Variants in PTPRT observed in about 807,000 individuals in gnomAD.
The protein encoded by PTPRT is protein tyrosine phosphatase receptor type T, also known as receptor-type tyrosine-protein phosphatase T.
PTPRT carries 56 observed loss-of-function variants against 176.8 expected under a neutral mutation model. That is an observed-to-expected ratio of 0.32 (90% CI 0.26 to 0.40). The LOEUF (loss-of-function observed/expected upper bound fraction) is 0.40. Ranked by LOEUF, PTPRT falls within the 10% of genes least tolerant of loss-of-function variation. The pLI, the probability that PTPRT is intolerant of heterozygous loss-of-function variation, is 1.00. For missense variants in PTPRT, 1,540 were observed against 1,908.2 expected, an observed-to-expected ratio of 0.81 and a Z score of 3.60; for synonymous variants, 783 against 739.0, an observed-to-expected ratio of 1.06 and a Z score of -0.96.
intron 1 of PTPRT, among the ~76,000 whole-genome samples, chr20:42,902,846 C>T (rs1036857064): frequency 6.6e-6 from 1 of 152,186 alleles, no homozygotes; most frequent in Non-Finnish European, 1.5e-5. Flanking sequence ...TCCCACTCCT[C>T]CTTATTACCC....
At chr20:42,606,996 G>T (rs1157414304) in intron 7 of PTPRT, 1 of 152,150 alleles carries the variant, frequency 6.6e-6, no homozygotes, top group Non-Finnish European at 1.5e-5. Context: ...CACATACATA[G>T]AATAAAATAT....
At chr20:43,133,355 T>TA (rs2013706396) in intron 1 of PTPRT, among the ~76,000 whole-genome samples, 1 of 152,210 alleles carries the variant, frequency 6.6e-6, no homozygotes, top group Non-Finnish European at 1.5e-5. Flanking sequence ...TCATGCAAGT[T>TA]ACAGCTAAGA....
intron 9 of PTPRT, among the ~76,000 whole-genome samples, chr20:42,392,766 A>G (rs955074890): frequency 2.6e-5 from 4 of 152,220 alleles, no homozygotes; most frequent in Non-Finnish European, 5.9e-5. Context: ...CACATGGAAA[A>G]GGACAGAAAA....
At chr20:42,954,918 G>T (rs959975545) in intron 1 of PTPRT, among the ~76,000 whole-genome samples, 2 of 151,738 alleles carry the variant, frequency 1.3e-5, no homozygotes, top group African/African-American at 4.9e-5. Context: ...AGAAGAAAAG[G>T]GTAGGGAGGA....
Position 42,876,770 on chromosome 20 carries a change from T to C in PTPRT, c.214+9037A>G, listed in dbSNP as rs528883105. Among the ~76,000 whole-genome samples the C allele has an allele frequency of 9.2e-5, 14 of 152,274 alleles. No individual in the cohort carries two copies. The South Asian group carries it at 2.5e-3, about 27-fold the overall frequency. On this transcript the variant is annotated intron_variant, in intron 2 of 30. Transcript: ENST00000373187. Reference sequence around the variant, plus strand: ...ACCGCCTTCCTTATTCCAGGCCCCATGCAGGATACAAGGAATTCAGCAACG... The same window carrying C: ...ACCGCCTTCCTTATTCCAGGCCCCACGCAGGATACAAGGAATTCAGCAACG...
At chr20:43,121,005 A>G (rs1285212256) in intron 1 of PTPRT, among the ~76,000 whole-genome samples, 2 of 152,214 alleles carry the variant, frequency 1.3e-5, no homozygotes, top group East Asian at 1.9e-4. Flanking sequence ...TGTTCTTTCC[A>G]GTCCACATCT....
intron 2 of PTPRT, among the ~76,000 whole-genome samples, chr20:42,804,445 T>C (rs1158803913): frequency 6.6e-6 from 1 of 152,190 alleles, no homozygotes; most frequent in Non-Finnish European, 1.5e-5. Flanking sequence ...ATACTGTCTC[T>C]GTCAGTTCCA....
chr20:42,739,073 C>A (rs139809835), intron 6 of PTPRT, among the ~76,000 whole-genome samples: 1 of 152,222 alleles, frequency 6.6e-6, no homozygotes, highest in Non-Finnish European at 1.5e-5. Context: ...ACAACAACAA[C>A]AACAAAAACA....
At chr20:42,610,183 T>TG (rs1464060196) in intron 7 of PTPRT, among the ~76,000 whole-genome samples, 1 of 151,970 alleles carries the variant, frequency 6.6e-6, no homozygotes, top group Admixed American at 6.5e-5. Context: ...TCTGTAGAAA[T>TG]GGGGGGAAAA....
At chr20:42,276,005 C>T (rs1163541740) in intron 13 of PTPRT, among the ~76,000 whole-genome samples, 1 of 152,152 alleles carries the variant, frequency 6.6e-6, no homozygotes, top group African/African-American at 2.4e-5. Flanking sequence ...CAATCAAGAG[C>T]TTTCCAATAG....
At chr20:42,559,266 G>A (rs1025327364) in intron 7 of PTPRT, among the ~76,000 whole-genome samples, 3 of 152,102 alleles carry the variant, frequency 2.0e-5, no homozygotes, top group African/African-American at 7.2e-5. Flanking sequence ...CTGAAAATCT[G>A]CAAACCACCC....
At chr20:42,223,386 C>T (rs1366304459) in intron 15 of PTPRT, among the ~76,000 whole-genome samples, 6 of 152,118 alleles carry the variant, frequency 3.9e-5, no homozygotes, top group Non-Finnish European at 7.4e-5. Context: ...AGTTAGTAAG[C>T]GGCAAAGTCC....
At chr20:43,165,547 A>G (rs2014836520) in intron 1 of PTPRT, among the ~76,000 whole-genome samples, 1 of 152,174 alleles carries the variant, frequency 6.6e-6, no homozygotes, top group Admixed American at 6.5e-5. Flanking sequence ...GAGGCCTCCC[A>G]GCCATGTGAG....
rs114812292 is a variant in PTPRT, at chr20:42,290,822, T to C, written c.2140-8297A>G. Among the ~76,000 whole-genome samples, 867 of 152,110 alleles carry C rather than the reference T, an allele frequency of 5.7e-3. 10 individuals are homozygous for C. The highest frequency in any genetic ancestry group is 0.02 in the African/African-American group (821 of 41,508). ...CTGAAATTTTAGGATGCCTCTTCAA[T>C]TGAGGAGTTCACAGTGGAACTGTTT... On this transcript the variant is annotated intron_variant, in intron 12 of 30. Coordinates refer to ENST00000373187, the MANE Select transcript of PTPRT (RefSeq NM_007050.6).
rs114555859 is a variant in PTPRT, at chr20:43,024,337, G to T, written c.89-138405C>A. 3.9e-3 allele frequency among the ~76,000 whole-genome samples: 598 copies of T among 151,850 alleles called. 4 individuals are homozygous for T. Among genetic ancestry groups the T allele is most frequent in the African/African-American group, 0.014 (582 of 41,418 alleles). On this transcript the variant is annotated intron_variant, in intron 1 of 30. Transcript: ENST00000373187. Reference sequence around the variant, plus strand: ...TCAGTGTTACTACTAATGCAAGAGGGGGTAAAAAAAAATGGCTCCAAGGCT... The same window carrying T: ...TCAGTGTTACTACTAATGCAAGAGGTGGTAAAAAAAAATGGCTCCAAGGCT...
intron 2 of PTPRT, among the ~76,000 whole-genome samples, chr20:42,806,181 G>T (rs1042501999): frequency 1.3e-5 from 2 of 151,848 alleles, no homozygotes; most frequent in Non-Finnish European, 2.9e-5. Flanking sequence ...TCTGTAAAAT[G>T]GAGATAATAA....
intron 11 of PTPRT, among the ~76,000 whole-genome samples, chr20:42,335,576 A>G (rs2058028393): frequency 2.0e-5 from 3 of 152,228 alleles, no homozygotes; most frequent in Non-Finnish European, 4.4e-5. Flanking sequence ...ATAAGAAAAA[A>G]AATTCAAAGA....
At chr20:42,284,629 T>G (rs1055110678) in intron 12 of PTPRT, among the ~76,000 whole-genome samples, 2 of 152,020 alleles carry the variant, frequency 1.3e-5, no homozygotes, top group Non-Finnish European at 2.9e-5. Flanking sequence ...TGCTTATGAA[T>G]TGAGCTTGAG....
chr20:42,709,910 C>T (rs2146195743), intron 6 of PTPRT, among the ~76,000 whole-genome samples: 1 of 152,270 alleles, frequency 6.6e-6, no homozygotes, highest in African/African-American at 2.4e-5. Flanking sequence ...ATGTTACACC[C>T]TAGCAAAAAA....
Sources: gnomAD v4.1 joint callset for allele counts (sites outside exome capture counted in the v4.1 genomes callset) on GRCh38, gnomAD v4.1.1 for gene constraint, MANE v1.5 for transcripts, NCBI Gene and HGNC (gene_info 2026-07-23, HGNC 2026-07-21) for gene names.